Variants in CDKAL1 observed in about 807,000 individuals in gnomAD.
CDKAL1 encodes the protein CDKAL1 threonylcarbamoyladenosine tRNA methylthiotransferase.
In CDKAL1, 32 loss-of-function variants were observed where a neutral mutation model predicts 68.2. The observed-to-expected ratio is 0.47, with a 90% CI of 0.35 to 0.63. The LOEUF (loss-of-function observed/expected upper bound fraction) is 0.63, where lower values mean the gene tolerates loss of function less well. Among genes scored for constraint, CDKAL1 ranks in the 30% least tolerant of loss-of-function variants. The pLI is 0.00. For synonymous variants in CDKAL1, 234 were observed against 244.3 expected (o/e 0.96, Z 0.39); for missense variants, 606 against 696.7 (o/e 0.87, Z 1.47).
intron 8 of CDKAL1, among the ~76,000 whole-genome samples, chr6:20,823,009 A>G (rs1331555258): frequency 6.6e-6 from 1 of 152,174 alleles, no homozygotes; most frequent in Non-Finnish European, 1.5e-5. Context: ...TGCCTTTCTA[A>G]CCAGACTCTG....
intron 10 of CDKAL1, among the ~76,000 whole-genome samples, chr6:20,974,562 T>TA (rs1157555843): frequency 6.6e-6 from 1 of 152,200 alleles, no homozygotes; most frequent in African/African-American, 2.4e-5. Context: ...AAATCAGAGT[T>TA]ATGCTCTACA....
At chr6:20,606,297 T>C (rs1046627118) in intron 4 of CDKAL1, among the ~76,000 whole-genome samples, 5 of 152,208 alleles carry the variant, frequency 3.3e-5, no homozygotes, top group Admixed American at 6.5e-5. Flanking sequence ...CGTGAGAGCC[T>C]GTTGTTAGTT....
At chr6:20,621,837 G>C (rs1432256136) in intron 4 of CDKAL1, among the ~76,000 whole-genome samples, 1 of 146,906 alleles carries the variant, frequency 6.8e-6, no homozygotes, top group East Asian at 2.0e-4. Context: ...CATATTTCCT[G>C]CCCCAGTCTT....
At chr6:20,841,170 C>T (rs969621349) in intron 8 of CDKAL1, among the ~76,000 whole-genome samples, 15 of 152,126 alleles carry the variant, frequency 9.9e-5, no homozygotes, top group Middle Eastern at 3.2e-3. Flanking sequence ...AAAGATCATA[C>T]TCTATCAATT....
At chr6:20,970,430 A>T (rs1765534561) in intron 10 of CDKAL1, among the ~76,000 whole-genome samples, 1 of 152,168 alleles carries the variant, frequency 6.6e-6, no homozygotes, top group Non-Finnish European at 1.5e-5. Flanking sequence ...AATTTTTGTC[A>T]GTGTTCTCAT....
chr6:20,966,640 T>C (rs1305616600), intron 10 of CDKAL1, among the ~76,000 whole-genome samples: 2 of 152,174 alleles, frequency 1.3e-5, no homozygotes, highest in East Asian at 1.9e-4. Flanking sequence ...TTGCAGAAAG[T>C]TTACTATCAA....
chr6:21,137,178 T>C (rs1422379699), intron 13 of CDKAL1, among the ~76,000 whole-genome samples: 1 of 152,232 alleles, frequency 6.6e-6, no homozygotes, highest in African/African-American at 2.4e-5. Context: ...ACTCATCAGA[T>C]TGACAACGGA....
Position 20,546,470 on chromosome 6 carries a change from G to A in CDKAL1, c.120G>A (p.Arg40=), listed in dbSNP as rs1217401877. 1.2e-6 allele frequency: 2 copies of A among 1,614,124 alleles called. No individual in the cohort carries two copies. Among genetic ancestry groups the A allele is most frequent in the Admixed American group, 3.3e-5 (2 of 60,010 alleles). The change falls in exon 3 of 16, where the codon AGG becomes AGA. Residue 40 remains arginine, a synonymous_variant. Transcript: ENST00000274695. ...VRKDVVPKVR[R]RNTQKYLQEE... ...AGGATGTTGTCCCGAAGGTACGAAG[G>A]CGAAATACCCAAAAATATTTGCAAG... is the stretch of plus-strand genomic sequence containing the variant.
intron 13 of CDKAL1, among the ~76,000 whole-genome samples, chr6:21,147,246 A>G (rs1265936985): frequency 6.6e-6 from 1 of 152,346 alleles, no homozygotes; most frequent in Non-Finnish European, 1.5e-5. Flanking sequence ...ATTTAGTATA[A>G]AGAATGCTCA....
chr6:21,184,646 TTTAA>T (rs1412151692), intron 13 of CDKAL1, among the ~76,000 whole-genome samples: 1 of 152,066 alleles, frequency 6.6e-6, no homozygotes, highest in Non-Finnish European at 1.5e-5. Flanking sequence ...AATGCTTTTA[TTTAA>T]TTAATTAATT....
intron 11 of CDKAL1, among the ~76,000 whole-genome samples, chr6:21,023,484 T>C (rs1355112328): frequency 6.6e-6 from 1 of 152,194 alleles, no homozygotes; most frequent in Non-Finnish European, 1.5e-5. Context: ...GTTTTTGGTA[T>C]GGAAAGCCAG....
At chr6:20,853,494 T>C (rs1353306758) in intron 9 of CDKAL1, among the ~76,000 whole-genome samples, 2 of 152,136 alleles carry the variant, frequency 1.3e-5, no homozygotes, top group African/African-American at 4.8e-5. Flanking sequence ...TAATCGAGAT[T>C]CTTCATGGCA....
intron 4 of CDKAL1, among the ~76,000 whole-genome samples, chr6:20,609,300 C>CCTTCTTCTCCTTCTT (rs146820654): frequency 3.5e-5 from 5 of 144,896 alleles, no homozygotes; most frequent in Admixed American, 1.4e-4. Context: ...TTCTCCTTCT[C>CCTTCTTCTCCTTCTT]CTCCTCCTCC....
chr6:21,134,762 T>A (rs1303591573), intron 13 of CDKAL1, among the ~76,000 whole-genome samples: 4 of 152,154 alleles, frequency 2.6e-5, no homozygotes, highest in African/African-American at 9.7e-5. Context: ...ATATAAAATG[T>A]AATGCAGGGA....
intron 9 of CDKAL1, among the ~76,000 whole-genome samples, chr6:20,937,918 T>C (rs562530408): frequency 6.6e-6 from 1 of 151,828 alleles, no homozygotes; most frequent in Non-Finnish European, 1.5e-5. Context: ...GCTTAAAAAC[T>C]GTAAATATCT....
chr6:20,799,784 A>T (rs1207098005), intron 8 of CDKAL1: 1 of 152,224 alleles, frequency 6.6e-6, no homozygotes, highest in Non-Finnish European at 1.5e-5. Flanking sequence ...ACCTTCGTGC[A>T]CATGTGTACA....
At chr6:20,749,167 T>C (rs1435748699) in intron 6 of CDKAL1, among the ~76,000 whole-genome samples, 1 of 152,182 alleles carries the variant, frequency 6.6e-6, no homozygotes, top group Non-Finnish European at 1.5e-5. Context: ...ACATTTTTAA[T>C]ATAATTAGCC....
intron 6 of CDKAL1, among the ~76,000 whole-genome samples, chr6:20,747,336 A>G (rs1045299513): frequency 1.3e-5 from 2 of 152,140 alleles, no homozygotes; most frequent in African/African-American, 2.4e-5. Context: ...TGCTGATTTC[A>G]TTTCCTTTGG....
At chr6:20,913,437 G>A (rs1343576772) in intron 9 of CDKAL1, among the ~76,000 whole-genome samples, 2 of 152,156 alleles carry the variant, frequency 1.3e-5, no homozygotes, top group Non-Finnish European at 2.9e-5. Flanking sequence ...CAATATGGCA[G>A]CTCACAACAT....
Sources: allele counts gnomAD v4.1 joint callset (sites outside exome capture counted in the v4.1 genomes callset), GRCh38; gene constraint gnomAD v4.1.1; transcripts MANE v1.5; gene names NCBI Gene and HGNC (gene_info 2026-07-23, HGNC 2026-07-21).